NRG1: variants seen among roughly 807,000 people sequenced by gnomAD.
NRG1 encodes neuregulin 1, also known as pro-neuregulin-1, membrane-bound isoform.
In NRG1, 18 loss-of-function variants were observed where a neutral mutation model predicts 63.8. That is an observed-to-expected ratio of 0.28 (90% CI 0.19 to 0.42). The LOEUF is 0.42. Among genes scored for constraint, NRG1 ranks in the 10% least tolerant of loss-of-function variants. The pLI, the probability that NRG1 is intolerant of heterozygous loss-of-function variation, is 1.00. For synonymous variants in NRG1, 302 were observed against 301.3 expected, an observed-to-expected ratio of 1.00 and a Z score of -0.02; for missense variants, 762 against 814.7, an observed-to-expected ratio of 0.94 and a Z score of 0.79.
intron 1 of NRG1, among the ~76,000 whole-genome samples, chr8:32,491,484 A>T (rs2129494823): frequency 6.6e-6 from 1 of 152,290 alleles, no homozygotes; most frequent in Non-Finnish European, 1.5e-5. Context: ...TGGTTGTGAG[A>T]CTGGGAGTTT....
intron 1 of NRG1, among the ~76,000 whole-genome samples, chr8:32,476,893 TA>T (rs1824588385): frequency 6.6e-6 from 1 of 152,180 alleles, no homozygotes; most frequent in Non-Finnish European, 1.5e-5. Context: ...CATGGTGCAC[TA>T]AAGCATTCAG....
intron 1 of NRG1, among the ~76,000 whole-genome samples, chr8:32,401,739 A>C (rs980642079): frequency 2.0e-5 from 3 of 151,958 alleles, no homozygotes; most frequent in African/African-American, 7.2e-5. Flanking sequence ...TGCTGAGGGC[A>C]GAAGGTGGGA....
intron 1 of NRG1, among the ~76,000 whole-genome samples, chr8:32,350,886 G>C (rs780970116): frequency 3.4e-4 from 52 of 152,226 alleles, no homozygotes; most frequent in Non-Finnish European, 6.0e-4. Context: ...GATCAGCGCG[G>C]TGTCCACGCC....
At chr8:32,195,494 C>T (rs1476317094) in intron 1 of NRG1, among the ~76,000 whole-genome samples, 1 of 151,570 alleles carries the variant, frequency 6.6e-6, no homozygotes, top group Admixed American at 6.6e-5. Flanking sequence ...CATCAAAGCT[C>T]ATGGTTCTGG....
intron 7 of NRG1, chr8:32,749,111 G>T (rs931102530): frequency 6.3e-6 from 1 of 159,510 alleles, no homozygotes; most frequent in Non-Finnish European, 1.4e-5. Flanking sequence ...CTGCCAATGG[G>T]TGTCTTTGGG....
intron 1 of NRG1, among the ~76,000 whole-genome samples, chr8:31,810,664 A>T (rs1233018411): frequency 2.0e-5 from 3 of 152,184 alleles, no homozygotes; most frequent in Admixed American, 2.0e-4. Context: ...TCCAGTTATC[A>T]TCCACTGTCC....
At chr8:31,894,095 C>A (rs1471714160) in intron 1 of NRG1, among the ~76,000 whole-genome samples, 1 of 151,976 alleles carries the variant, frequency 6.6e-6, no homozygotes, top group African/African-American at 2.4e-5. Context: ...CTGACAGATT[C>A]TGATATAGAT....
intron 1 of NRG1, among the ~76,000 whole-genome samples, chr8:32,378,095 G>T (rs1373093372): frequency 6.6e-6 from 1 of 152,128 alleles, no homozygotes; most frequent in Non-Finnish European, 1.5e-5. Context: ...AATTCAGGCA[G>T]CAATAATGGG....
intron 1 of NRG1, among the ~76,000 whole-genome samples, chr8:32,402,217 A>C (rs1297266065): frequency 6.6e-6 from 1 of 151,968 alleles, no homozygotes. Context: ...CTGGCCTAAA[A>C]GTTTTTTTAA....
intron 1 of NRG1, among the ~76,000 whole-genome samples, chr8:32,585,259 T>C (rs1046252028): frequency 6.6e-6 from 1 of 152,240 alleles, no homozygotes; most frequent in Non-Finnish European, 1.5e-5. Flanking sequence ...GCTTATGTCA[T>C]GTGAACTTTG....
chr8:31,688,484 C>T (rs1001090389), intron 1 of NRG1, among the ~76,000 whole-genome samples: 1 of 152,092 alleles, frequency 6.6e-6, no homozygotes, highest in Non-Finnish European at 1.5e-5. Flanking sequence ...TGTAAGCTAC[C>T]CGTCAACGAT....
intron 1 of NRG1, among the ~76,000 whole-genome samples, chr8:32,411,741 A>G (rs1814981777): frequency 2.0e-5 from 3 of 152,222 alleles, no homozygotes; most frequent in Non-Finnish European, 2.9e-5. Flanking sequence ...CTGAATGTGT[A>G]TTGCATTTGC....
At chr8:32,014,710 C>T (rs1366534220) in intron 1 of NRG1, among the ~76,000 whole-genome samples, 2 of 148,894 alleles carry the variant, frequency 1.3e-5, no homozygotes, top group Admixed American at 6.7e-5. Flanking sequence ...ATTTTGAGCC[C>T]CCCAACCCCC....
chr8:32,737,956 A>C (rs1825502487), intron 6 of NRG1, among the ~76,000 whole-genome samples: 1 of 152,074 alleles, frequency 6.6e-6, no homozygotes, highest in Non-Finnish European at 1.5e-5. Flanking sequence ...TACGGGTCTT[A>C]GCCACCACAC....
chr8:32,252,046 G>T (rs1012148268), intron 1 of NRG1, among the ~76,000 whole-genome samples: 2 of 152,020 alleles, frequency 1.3e-5, no homozygotes, highest in Non-Finnish European at 2.9e-5. Context: ...TGATGGGATT[G>T]TTTTTTTCTT....
intron 1 of NRG1, among the ~76,000 whole-genome samples, chr8:31,854,569 G>A (rs1827638156): frequency 6.6e-6 from 1 of 151,982 alleles, no homozygotes; most frequent in African/African-American, 2.4e-5. Context: ...CCAGCTCCTG[G>A]ATTCATTAAT....
intron 1 of NRG1, among the ~76,000 whole-genome samples, chr8:32,191,086 A>T (rs920884482): frequency 1.9e-4 from 29 of 150,006 alleles, no homozygotes; most frequent in African/African-American, 6.9e-4. Context: ...ATCAGTTATT[A>T]GATTTTTTTT....
At chr8:31,735,062 C>T (rs941217053) in intron 1 of NRG1, among the ~76,000 whole-genome samples, 6 of 152,048 alleles carry the variant, frequency 3.9e-5, no homozygotes, top group Non-Finnish European at 4.4e-5. Context: ...AAAAAAAATG[C>T]GCTCAGCCAA....
At chr8:32,521,205 G>A (rs372484435) in intron 1 of NRG1, among the ~76,000 whole-genome samples, 5 of 152,092 alleles carry the variant, frequency 3.3e-5, no homozygotes, top group South Asian at 2.1e-4. Context: ...TGTGGATAAC[G>A]GGGACCACTG....
Sources: gnomAD v4.1 joint callset for allele counts (sites outside exome capture counted in the v4.1 genomes callset) on GRCh38, gnomAD v4.1.1 for gene constraint, MANE v1.5 for transcripts, NCBI Gene and HGNC (gene_info 2026-07-23, HGNC 2026-07-21) for gene names.